Variants in DCC observed in about 807,000 individuals in gnomAD.
The protein encoded by DCC is DCC netrin 1 receptor.
DCC carries 58 observed loss-of-function variants against 172.5 expected under a neutral mutation model. That is an observed-to-expected ratio of 0.34 (90% confidence interval 0.27 to 0.42). The LOEUF is 0.42. Among genes scored for constraint, DCC ranks in the 10% least tolerant of loss-of-function variants. The probability of loss-of-function intolerance (pLI) is 1.00; values close to 1 mark genes in which losing one functional copy is unlikely to be tolerated. For synonymous variants in DCC, 709 were observed against 644.5 expected (o/e 1.10, Z -1.52); for missense variants, 1,740 against 1,791.0 (o/e 0.97, Z 0.51).
chr18:52,954,279 G>C (rs1229660005), intron 5 of DCC, among the ~76,000 whole-genome samples: 2 of 152,028 alleles, frequency 1.3e-5, no homozygotes, highest in African/African-American at 4.8e-5. Context: ...ACAATTTTCA[G>C]TATACTAGAA....
chr18:53,405,545 G>T (rs1447643077), intron 19 of DCC, among the ~76,000 whole-genome samples: 2 of 152,166 alleles, frequency 1.3e-5, no homozygotes, highest in Non-Finnish European at 2.9e-5. Flanking sequence ...ATTCTAGGGT[G>T]AGGCTTTACT....
chr18:52,665,506 T>G (rs1007099872), intron 1 of DCC, among the ~76,000 whole-genome samples: 2 of 152,220 alleles, frequency 1.3e-5, no homozygotes, highest in Non-Finnish European at 2.9e-5. Flanking sequence ...TGCTGGTGTG[T>G]GGAGCAGATG....
chr18:53,413,505 A>G (rs986115485), intron 20 of DCC, among the ~76,000 whole-genome samples: 1 of 152,208 alleles, frequency 6.6e-6, no homozygotes, highest in Non-Finnish European at 1.5e-5. Flanking sequence ...ACTCTTCAGT[A>G]GATAACATTT....
intron 3 of DCC, among the ~76,000 whole-genome samples, chr18:52,914,474 G>A (rs2040012657): frequency 1.3e-5 from 2 of 152,136 alleles, no homozygotes; most frequent in African/African-American, 4.8e-5. Flanking sequence ...AATGAGGAAG[G>A]AAAATAATAG....
rs1369949495 is a variant in DCC at position 52,760,882 on chromosome 18, C to T, written c.412+8508C>T. The stretch of plus-strand genomic sequence containing the variant: ...TGTATGGTACTTCAACCATCTTAAA[C>T]GTCTACTGTCATAAGCAGTATATAT... On this transcript the variant is annotated intron_variant, in intron 2 of 28. Coordinates refer to ENST00000442544, the MANE Select transcript of DCC (RefSeq NM_005215.4). Among the ~76,000 whole-genome samples the T allele has an allele frequency of 2.0e-5, 3 of 152,104 alleles. No individual in the cohort carries two copies. The East Asian group carries it at 5.8e-4, about 29-fold the overall frequency.
chr18:53,284,193 A>G (rs961896701), intron 12 of DCC, among the ~76,000 whole-genome samples: 1 of 152,158 alleles, frequency 6.6e-6, no homozygotes, highest in African/African-American at 2.4e-5. Flanking sequence ...TCTGTTATGT[A>G]AGATCACTAA....
intron 1 of DCC, among the ~76,000 whole-genome samples, chr18:52,533,439 G>A (rs139123904): frequency 4.7e-4 from 72 of 152,172 alleles, no homozygotes; most frequent in African/African-American, 1.6e-3. Flanking sequence ...CCACTAAACC[G>A]ATCTCCATTT....
At chr18:52,955,001 C>A (rs1437677860) in intron 5 of DCC, among the ~76,000 whole-genome samples, 1 of 152,128 alleles carries the variant, frequency 6.6e-6, no homozygotes, top group African/African-American at 2.4e-5. Flanking sequence ...TCACTATGAC[C>A]ATCCCACGCC....
intron 2 of DCC, among the ~76,000 whole-genome samples, chr18:52,780,829 G>T (rs1388821908): frequency 6.6e-6 from 1 of 152,094 alleles, no homozygotes; most frequent in Non-Finnish European, 1.5e-5. Context: ...TTTCCAAGCT[G>T]CCATACTTTG....
At chr18:52,444,777 G>A (rs1009421369) in intron 1 of DCC, among the ~76,000 whole-genome samples, 7 of 151,932 alleles carry the variant, frequency 4.6e-5, no homozygotes, top group African/African-American at 1.7e-4. Context: ...AACCCTTCAG[G>A]TAGGCCATTA....
rs571604832 is a variant in DCC, at chr18:52,769,821, A to G, written c.412+17447A>G. Among the ~76,000 whole-genome samples the G allele has an allele frequency of 3.3e-5, 5 of 152,306 alleles. No individual in the cohort carries two copies. The South Asian group carries it at 1.0e-3, about 32-fold the overall frequency. ...TTGCATGATGATGTCCAGTTGTTTC[A>G]GCATCAATTGTTGAATAAAACTGTC... On this transcript the variant is annotated intron_variant, in intron 2 of 28. Coordinates refer to ENST00000442544, the MANE Select transcript of DCC (RefSeq NM_005215.4).
intron 8 of DCC, among the ~76,000 whole-genome samples, chr18:53,176,567 C>T (rs1161403914): frequency 3.3e-5 from 5 of 151,988 alleles, no homozygotes; most frequent in Admixed American, 3.3e-4. Flanking sequence ...AGCCAAAAAA[C>T]ACATGAAAAA....
intron 5 of DCC, among the ~76,000 whole-genome samples, chr18:52,978,800 G>A (rs1189493660): frequency 6.6e-6 from 1 of 152,170 alleles, no homozygotes; most frequent in Non-Finnish European, 1.5e-5. Flanking sequence ...ATTTCTCAAA[G>A]TGAGAACATA....
At position 53,316,132 on chromosome 18, in the gene DCC, A is replaced by G. The variant is rs1448165531; in HGVS notation, c.2054-5915A>G. On this transcript the variant is annotated intron_variant, in intron 13 of 28. Coordinates refer to ENST00000442544, the MANE Select transcript of DCC (RefSeq NM_005215.4). ...ATCCATCTTGAGTTAATTTTCATAT[A>G]AAGTGTAAGGAAGGGGTCTAGTTTC... Among the ~76,000 whole-genome samples the G allele has an allele frequency of 2.6e-5, 4 of 152,180 alleles. No homozygotes were observed. In the South Asian group the frequency reaches 6.2e-4, roughly 24 times the overall value.
intron 5 of DCC, among the ~76,000 whole-genome samples, chr18:53,024,186 G>A (rs1265622841): frequency 6.6e-6 from 1 of 152,064 alleles, no homozygotes; most frequent in Non-Finnish European, 1.5e-5. Flanking sequence ...CAAGAAACAC[G>A]CTAAATTTTC....
intron 1 of DCC, among the ~76,000 whole-genome samples, chr18:52,508,769 A>T (rs894945536): frequency 3.9e-5 from 6 of 152,250 alleles, no homozygotes; most frequent in Admixed American, 6.5e-5. Flanking sequence ...ATAAGATTCT[A>T]CTCTACACAT....
At chr18:52,350,522 A>G (rs1984073411) in intron 1 of DCC, among the ~76,000 whole-genome samples, 1 of 151,896 alleles carries the variant, frequency 6.6e-6, no homozygotes, top group South Asian at 2.1e-4. Context: ...ACCGGGGCCT[A>G]CTGGGGAGTT....
Position 53,454,463 on chromosome 18 carries a change from T to C in DCC, c.3392+3801T>C, listed in dbSNP as rs544016532. 5.7e-4 allele frequency among the ~76,000 whole-genome samples: 87 copies of C among 152,340 alleles called. 1 individual carries two copies. The Middle Eastern group carries it at 0.024, about 42-fold the overall frequency. On this transcript the variant is annotated intron_variant, in intron 23 of 28. Coordinates refer to ENST00000442544, the MANE Select transcript of DCC (RefSeq NM_005215.4). Reference sequence around the variant, plus strand: ...AACACATGTTATTAGTTAGACTTTATCCACAGATACTAAGGACAAAAATAT... The same window carrying C: ...AACACATGTTATTAGTTAGACTTTACCCACAGATACTAAGGACAAAAATAT...
chr18:52,372,191 G>T, intron 1 of DCC, among the ~76,000 whole-genome samples: 1 of 152,274 alleles, frequency 6.6e-6, no homozygotes, highest in Non-Finnish European at 1.5e-5. Flanking sequence ...CACTAGGGAA[G>T]TTTCTGAATG....
Sources: allele counts gnomAD v4.1 joint callset (sites outside exome capture counted in the v4.1 genomes callset), GRCh38; gene constraint gnomAD v4.1.1; transcripts MANE v1.5; gene names NCBI Gene and HGNC (gene_info 2026-07-23, HGNC 2026-07-21).